The following ANKS6 variants were observed in gnomAD, a reference collection of about 807,000 sequenced individuals.
ANKS6 encodes the protein ankyrin repeat and sterile alpha motif domain containing 6.
In ANKS6, 47 loss-of-function variants were observed where a neutral mutation model predicts 77.9. The ratio of observed to expected loss-of-function variants is 0.60; its 90% CI spans 0.48 to 0.77. ANKS6 has a LOEUF of 0.77. Ranked by LOEUF, ANKS6 falls within the 30% of genes least tolerant of loss-of-function variation. The pLI is 0.00. For synonymous variants in ANKS6, 488 were observed against 501.7 expected (o/e 0.97, Z 0.37); for missense variants, 1,150 against 1,159.1 (o/e 0.99, Z 0.11).
chr9:98,785,859 G>A (rs1293447679), intron 2 of ANKS6, among the ~76,000 whole-genome samples: 1 of 152,200 alleles, frequency 6.6e-6, no homozygotes, highest in Non-Finnish European at 1.5e-5. Context: ...AGAGTAAGCT[G>A]CCTCTTCATC....
chr9:98,784,572 G>A (rs1264847669), intron 3 of ANKS6: 7 of 484,650 alleles, frequency 1.4e-5, no homozygotes, highest in Non-Finnish European at 2.5e-5. Context: ...TATGCAGAGA[G>A]GCATTTCAGA....
intron 2 of ANKS6, among the ~76,000 whole-genome samples, chr9:98,788,157 C>A (rs1323134489): frequency 6.6e-6 from 1 of 152,220 alleles, no homozygotes; most frequent in Admixed American, 6.5e-5. Flanking sequence ...GCATCGCCAT[C>A]CCATGATGCC....
In ANKS6 at chr9:98,733,958, C is replaced by G; in HGVS notation, c.*2561G>C. 1 of 985,338 alleles carries G rather than the reference C, an allele frequency of 1.0e-6. No homozygotes were observed. The highest frequency in any genetic ancestry group is 1.2e-6 in the Non-Finnish European group (1 of 829,932). 61.0% of individuals were successfully genotyped at this position (985,338 alleles called of 1,614,324 possible). On this transcript the variant is annotated 3_prime_UTR_variant, in exon 15 of 15. Coordinates refer to ENST00000353234, the MANE Select transcript of ANKS6 (RefSeq NM_173551.5). The stretch of plus-strand genomic sequence containing the variant: ...TGTGGGGGGAACAGCCACAGGCAGG[C>G]TGGGGACACGTGTGGGAAGGGAAGG...
intron 13 of ANKS6, 76 bp from the exon 14 acceptor site, chr9:98,745,751 A>G: frequency 9.2e-7 from 1 of 1,083,116 alleles, no homozygotes; most frequent in Non-Finnish European, 1.4e-6. Context: ...CAATCTCATG[A>G]TTATGAGCTA....
At chr9:98,790,082 C>A (rs1834808379) in intron 2 of ANKS6, 22 bp downstream of exon 2, 1 of 1,537,126 alleles carries the variant, frequency 6.5e-7, no homozygotes, top group Non-Finnish European at 8.8e-7. Flanking sequence ...TCTGTGAAGC[C>A]ACGGGGGGCA....
chr9:98,783,156 C>A (rs754339378), intron 4 of ANKS6, among the ~76,000 whole-genome samples: 1 of 151,798 alleles, frequency 6.6e-6, no homozygotes, highest in Non-Finnish European at 1.5e-5. Flanking sequence ...GGAGAGGAGA[C>A]AAAACCAACA....
intron 1 of ANKS6, 24 bp downstream of exon 1, chr9:98,796,109 G>A: frequency 7.6e-7 from 1 of 1,322,224 alleles, no homozygotes; most frequent in Non-Finnish European, 9.6e-7. Context: ...TCTGGTCCCG[G>A]GCCCCCGGGC....
intron 3 of ANKS6, 75 bp downstream of exon 3, chr9:98,784,757 G>A: frequency 7.1e-7 from 1 of 1,409,956 alleles, no homozygotes; most frequent in Non-Finnish European, 9.9e-7. Context: ...GCCCTGCAAA[G>A]GACTACAAAT....
chr9:98,768,249 A>C lies in ANKS6; in HGVS notation c.1974T>G (p.Gly658=), dbSNP rs753951200. 24 of 1,613,904 alleles carry C rather than the reference A, an allele frequency of 1.5e-5. No individual in the cohort carries two copies. Among genetic ancestry groups the C allele is most frequent in the Non-Finnish European group, 2.0e-5 (24 of 1,180,036 alleles). Reference sequence around the variant, plus strand: ...GGGACAAGACATTGTCTATGCTGCCACCTGAGGAAACACAAAATGAGTGAA... The same window carrying C: ...GGGACAAGACATTGTCTATGCTGCCCCCTGAGGAAACACAAAATGAGTGAA... ...RHGGELLNRS[G]GSIDNVLSQI... Residue 658 remains glycine (G), a splice_region_variant and synonymous_variant, in exon 11 of 15, where the codon GGT becomes GGG. Coordinates refer to ENST00000353234, the MANE Select transcript of ANKS6 (RefSeq NM_173551.5).
At chr9:98,776,511 C>T (rs1162527433) in intron 8 of ANKS6, among the ~76,000 whole-genome samples, 1 of 151,736 alleles carries the variant, frequency 6.6e-6, no homozygotes, top group East Asian at 1.9e-4. Flanking sequence ...AGCAATTCTC[C>T]TGCCTCAGCC....
At chr9:98,762,253 G>C (rs1022400889) in intron 11 of ANKS6, among the ~76,000 whole-genome samples, 2 of 152,156 alleles carry the variant, frequency 1.3e-5, no homozygotes, top group Non-Finnish European at 2.9e-5. Context: ...AAATACAGCT[G>C]ACTTCTGGAT....
intron 9 of ANKS6, among the ~76,000 whole-genome samples, chr9:98,772,132 G>A (rs1003430336): frequency 6.6e-6 from 1 of 152,234 alleles, no homozygotes. Context: ...GCATGAGAAT[G>A]AGGATGAGCT....
rs117616887 is a variant in ANKS6 at position 98,732,498 on chromosome 9, C to T, written c.*4021G>A. 120 of 1,550,538 alleles carry T rather than the reference C, an allele frequency of 7.7e-5. No homozygotes were observed. Among genetic ancestry groups the T allele is most frequent in the South Asian group, 3.8e-4 (32 of 84,066 alleles). ...TCCGATGCCAGCAGAGCCACCTGAG[C>T]GGCTGCTACCTCTTGCCGGAGGCAG... On this transcript the variant is annotated 3_prime_UTR_variant, in exon 15 of 15. Coordinates refer to ENST00000353234, the MANE Select transcript of ANKS6 (RefSeq NM_173551.5).
In ANKS6 at chr9:98,796,187, G is replaced by T; in HGVS notation, c.305C>A (p.Ala102Asp). The change falls in exon 1 of 15, where the codon GCC becomes GAC. Residue 102 changes from alanine (A) to aspartate (D), a missense_variant. Physicochemically the swap from Ala to Asp is moderately radical, Grantham distance 126. Transcript: ENST00000353234. ...PLVRFLLRRG[A>D]SVNSRNHYGW... ...GTAGTGGTTGCGGCTGTTGACCGAGGCACCGCGGCGCAGCAGGAAGCGCAC... is the reference window on the plus strand; with the variant it reads ...GTAGTGGTTGCGGCTGTTGACCGAGTCACCGCGGCGCAGCAGGAAGCGCAC... 1 of 1,417,020 alleles carries T rather than the reference G, an allele frequency of 7.1e-7. No individual in the cohort carries two copies. The allele number at this position is 1,417,020 out of a possible 1,614,324, so 87.8% of individuals were successfully genotyped here.
intron 9 of ANKS6, among the ~76,000 whole-genome samples, chr9:98,773,529 C>T (rs1833750610): frequency 6.6e-6 from 1 of 151,264 alleles, no homozygotes; most frequent in Non-Finnish European, 1.5e-5. Flanking sequence ...GGTTCACTCA[C>T]ACTTGGCTGG....
intron 12 of ANKS6, among the ~76,000 whole-genome samples, chr9:98,752,599 T>C (rs1832491075): frequency 6.6e-6 from 1 of 152,186 alleles, no homozygotes; most frequent in Non-Finnish European, 1.5e-5. Flanking sequence ...AGCCTGTACA[T>C]GGATGACCCA....
intron 3 of ANKS6, 86 bp from the exon 4 acceptor site, chr9:98,784,243 C>T: frequency 7.8e-7 from 1 of 1,280,744 alleles, no homozygotes; most frequent in Non-Finnish European, 1.1e-6. Context: ...CAAACACTTG[C>T]TGGCCCTGCT....
At chr9:98,761,086 A>G (rs1306007390) in intron 11 of ANKS6, among the ~76,000 whole-genome samples, 10 of 152,238 alleles carry the variant, frequency 6.6e-5, no homozygotes, top group Admixed American at 6.5e-4. Context: ...TGACAGGTAT[A>G]TAGCTCTATC....
intron 13 of ANKS6, among the ~76,000 whole-genome samples, chr9:98,750,211 C>T (rs902421261): frequency 2.0e-5 from 3 of 152,204 alleles, no homozygotes; most frequent in Non-Finnish European, 4.4e-5. Context: ...CTGGCAACCA[C>T]GAATCTACTT....
Sources: allele counts gnomAD v4.1 joint callset (sites outside exome capture counted in the v4.1 genomes callset), GRCh38; gene constraint gnomAD v4.1.1; transcripts MANE v1.5; gene names NCBI Gene and HGNC (gene_info 2026-07-23, HGNC 2026-07-21).